Variants in PRKRIP1 observed in about 807,000 individuals in gnomAD.
The protein encoded by PRKRIP1 is PRKR-interacting protein 1.
A neutral mutation model predicts 29.3 loss-of-function variants in PRKRIP1; 29 were observed. The observed-to-expected ratio is 0.99, with a 90% CI of 0.74 to 1.35. The LOEUF (loss-of-function observed/expected upper bound fraction) is 1.35. Among genes scored for constraint, PRKRIP1 ranks in the 40% most tolerant of loss-of-function variants. The pLI is 0.00. For synonymous variants in PRKRIP1, 90 were observed against 85.1 expected (o/e 1.06, Z -0.32); for missense variants, 247 against 236.8 (o/e 1.04, Z -0.28).
In PRKRIP1 at chr7:102,417,090, C is replaced by T. The variant is rs549087975; in HGVS notation, c.458-7924C>T. On this transcript the variant is annotated intron_variant, in intron 5 of 5. Coordinates refer to ENST00000397912, the MANE Select transcript of PRKRIP1 (RefSeq NM_024653.4). ...CAGGGTGGTCTCGATCTCCTGACCT[C>T]GTGATCCACCCGCCTCAGCCTCCCA... Among the ~76,000 whole-genome samples, 17 of 152,094 alleles carry T rather than the reference C, an allele frequency of 1.1e-4. No individual in the cohort carries two copies. In the South Asian group the frequency reaches 1.5e-3, roughly 13 times the overall value.
rs569386700 is a variant in PRKRIP1, at chr7:102,418,718, G to A, written c.458-6296G>A. 2.6e-5 allele frequency among the ~76,000 whole-genome samples: 4 copies of A among 152,224 alleles called. No individual in the cohort carries two copies. In the East Asian group the frequency reaches 7.7e-4, roughly 29 times the overall value. ...CTCAATGCCAGCATACATGGATAAT[G>A]GTTTCAGAATTGTTTACCGTTACCC... On this transcript the variant is annotated intron_variant, in intron 5 of 5. Transcript: ENST00000397912.
At chr7:102,420,631 A>G (rs782123986) in intron 5 of PRKRIP1, among the ~76,000 whole-genome samples, 2 of 152,036 alleles carry the variant, frequency 1.3e-5, no homozygotes, top group Non-Finnish European at 2.9e-5. Context: ...CCTCCCTGAG[A>G]ATGATACTCT....
At chr7:102,404,243 G>A (rs10238421) in intron 3 of PRKRIP1, 130,753 of 178,190 alleles carry the variant, frequency 0.73, 48,247 homozygotes, top group Middle Eastern at 0.85. Context: ...CTGACCCTCC[G>A]GCCATTCATT....
intron 5 of PRKRIP1, among the ~76,000 whole-genome samples, chr7:102,424,569 G>A (rs946472327): frequency 1.2e-4 from 18 of 152,350 alleles, no homozygotes; most frequent in African/African-American, 2.4e-4. Flanking sequence ...GGAAGCTGGC[G>A]TATGTGTGGG....
At chr7:102,418,620 T>C (rs1433014627) in intron 5 of PRKRIP1, among the ~76,000 whole-genome samples, 1 of 152,186 alleles carries the variant, frequency 6.6e-6, no homozygotes, top group African/African-American at 2.4e-5. Flanking sequence ...CTTCTCTCCT[T>C]GTTTCTCTGT....
At chr7:102,424,549 G>A (rs748028860) in intron 5 of PRKRIP1, among the ~76,000 whole-genome samples, 30 of 152,240 alleles carry the variant, frequency 2.0e-4, no homozygotes, top group Non-Finnish European at 4.0e-4. Flanking sequence ...GCCATGCTTG[G>A]GAGGAGCTGG....
chr7:102,404,692 C>T lies in PRKRIP1; in HGVS notation c.392+9C>T. The T allele has an allele frequency of 6.2e-7, 1 of 1,610,782 alleles. No individual in the cohort carries two copies. The highest frequency in any genetic ancestry group is 2.2e-5 in the East Asian group (1 of 44,884). ...AAGCGCCGGAAGAAGCGGTAAGCGG[C>T]ATGGCCTAACTGTGATGACACTTAA... On this transcript the variant is annotated intron_variant, in intron 4 of 5. Coordinates refer to ENST00000397912, the MANE Select transcript of PRKRIP1 (RefSeq NM_024653.4).
chr7:102,403,854 C>T (rs1394147355), intron 3 of PRKRIP1, among the ~76,000 whole-genome samples: 1 of 152,098 alleles, frequency 6.6e-6, no homozygotes, highest in Non-Finnish European at 1.5e-5. Context: ...CAGCAGATGG[C>T]GTGTGTTACG....
At chr7:102,412,324 G>A (rs782778178) in intron 5 of PRKRIP1, among the ~76,000 whole-genome samples, 3 of 152,180 alleles carry the variant, frequency 2.0e-5, no homozygotes, top group Non-Finnish European at 4.4e-5. Flanking sequence ...GTAGGTCGAG[G>A]TGGGAGGATC....
In PRKRIP1 at chr7:102,425,246, C is replaced by A. The variant is rs1554574315; in HGVS notation, c.*135C>A. On this transcript the variant is annotated 3_prime_UTR_variant, in exon 6 of 6. Transcript: ENST00000397912. ...GAGAGCAAAGGAGACCCCTCCCGAGCCGCTCACAGTCCTGTATTTGGCAGG... is the reference window on the plus strand; with the variant it reads ...GAGAGCAAAGGAGACCCCTCCCGAGACGCTCACAGTCCTGTATTTGGCAGG... The A allele has an allele frequency of 2.7e-6, 4 of 1,508,576 alleles. No individual in the cohort carries two copies. Among genetic ancestry groups the A allele is most frequent in the Non-Finnish European group, 3.5e-6 (4 of 1,132,116 alleles). The allele number at this position is 1,508,576 out of a possible 1,614,324, so 93.4% of individuals were successfully genotyped here. A position where few individuals can be genotyped will look rare whatever the true frequency, so the allele number is the denominator to read the frequency against.
At chr7:102,400,288 C>T (rs116702543) in intron 3 of PRKRIP1, among the ~76,000 whole-genome samples, 207 of 150,150 alleles carry the variant, frequency 1.4e-3, no homozygotes, top group African/African-American at 5.0e-3. Context: ...CCAGCCTGGG[C>T]GACAGAGTGA....
intron 5 of PRKRIP1, among the ~76,000 whole-genome samples, chr7:102,416,722 C>T (rs183189374): frequency 4.5e-4 from 68 of 151,726 alleles, no homozygotes; most frequent in African/African-American, 1.6e-3. Context: ...CTCTGTTGCC[C>T]AGGCTGGAGT....
At position 102,405,941 on chromosome 7, in the gene PRKRIP1, G is replaced by T. The variant is rs1796206438; in HGVS notation, c.392+1258G>T. 4 of 337,454 alleles carry T rather than the reference G, an allele frequency of 1.2e-5. 1 individual carries two copies. The highest frequency in any genetic ancestry group is 1.1e-4 in the South Asian group (4 of 37,792). 20.9% of individuals were successfully genotyped at this position (337,454 alleles called of 1,614,324 possible). On this transcript the variant is annotated intron_variant, in intron 4 of 5. Transcript: ENST00000397912. ...TGGAAAGCATTTTCTGCATCCCGCT[G>T]GTTGTGGAAGTGCTTTCCCTGCAAA...
chr7:102,398,500 G>A (rs1795978358), intron 2 of PRKRIP1, among the ~76,000 whole-genome samples: 1 of 152,026 alleles, frequency 6.6e-6, no homozygotes, highest in African/African-American at 2.4e-5. Context: ...GGCCAGGCTG[G>A]TCTTGAACTC....
At position 102,407,434 on chromosome 7, in the gene PRKRIP1, C is replaced by A; in HGVS notation, c.393C>A (p.Arg131=). The A allele has an allele frequency of 6.2e-7, 1 of 1,600,946 alleles. No homozygotes were observed. The highest frequency in any genetic ancestry group is 8.6e-7 in the Non-Finnish European group (1 of 1,168,274). Residue 131 remains arginine, a splice_region_variant and synonymous_variant, in exon 5 of 6, where the codon CGC becomes CGA. Transcript: ENST00000397912. ...EEQTAKRRKK[R]QKLKEKKLLA... Reference sequence around the variant, plus strand: ...AATGTATATGGTTTTACATTTTTAGCCAGAAGTTAAAAGAGAAGAAATTAC... The same window carrying A: ...AATGTATATGGTTTTACATTTTTAGACAGAAGTTAAAAGAGAAGAAATTAC...
intron 5 of PRKRIP1, among the ~76,000 whole-genome samples, chr7:102,419,094 C>G (rs1440472618): frequency 6.6e-6 from 1 of 152,060 alleles, no homozygotes; most frequent in Non-Finnish European, 1.5e-5. Context: ...ATCCTGGGAC[C>G]CTGACTTCCT....
chr7:102,396,537 G>A lies in PRKRIP1; in HGVS notation c.126G>A (p.Pro42=), dbSNP rs1795902879. The A allele has an allele frequency of 1.2e-6, 2 of 1,606,502 alleles. No homozygotes were observed. The highest frequency in any genetic ancestry group is 2.3e-5 in the East Asian group (1 of 44,226). Residue 42 remains proline (P), a splice_region_variant and synonymous_variant, in exon 1 of 6, where the codon CCG becomes CCA. Coordinates refer to ENST00000397912, the MANE Select transcript of PRKRIP1 (RefSeq NM_024653.4). ...KLKLERLMKN[P]DKAVPIPEKM... ...AGCTGGAGCGGCTCATGAAGAACCC[G>A]GTGAGACGAGGCCCAGGCTCCACGG...
intron 3 of PRKRIP1, among the ~76,000 whole-genome samples, chr7:102,400,012 AAAAAG>A (rs1359398015): frequency 2.0e-5 from 3 of 151,780 alleles, no homozygotes; most frequent in Non-Finnish European, 4.4e-5. Context: ...AAAAAAAAAA[AAAAAG>A]AGAGAAAAGA....
chr7:102,397,863 G>A (rs1795956087), intron 2 of PRKRIP1, among the ~76,000 whole-genome samples, 165 bp downstream of exon 2: 1 of 152,032 alleles, frequency 6.6e-6, no homozygotes. Context: ...GGCTAACACG[G>A]TGAAACCCCG....
Sources: gnomAD v4.1 joint callset for allele counts (sites outside exome capture counted in the v4.1 genomes callset) on GRCh38, gnomAD v4.1.1 for gene constraint, MANE v1.5 for transcripts, NCBI Gene and HGNC (gene_info 2026-07-23, HGNC 2026-07-21) for gene names.